The following ROBO2 variants were observed in gnomAD, a reference collection of about 807,000 sequenced individuals.
ROBO2 encodes the protein roundabout guidance receptor 2.
ROBO2 carries 53 observed loss-of-function variants against 160.8 expected under a neutral mutation model. That is an observed-to-expected ratio of 0.33 (90% CI 0.26 to 0.41). The LOEUF (loss-of-function observed/expected upper bound fraction) is 0.41. Among genes scored for constraint, ROBO2 ranks in the 10% least tolerant of loss-of-function variants. The pLI is 1.00. For synonymous variants in ROBO2, 664 were observed against 611.7 expected (o/e 1.09, Z -1.26); for missense variants, 1,577 against 1,722.4 (o/e 0.92, Z 1.49).
At chr3:76,129,849 C>A (rs985247549) in intron 2 of ROBO2, among the ~76,000 whole-genome samples, 2 of 151,894 alleles carry the variant, frequency 1.3e-5, no homozygotes, top group Non-Finnish European at 2.9e-5. Context: ...GTCCTAGCAC[C>A]AGGATATTTT....
chr3:77,427,029 GAGCTGA>G (rs75747928), intron 2 of ROBO2, among the ~76,000 whole-genome samples: 11,935 of 152,124 alleles, frequency 0.078, 534 homozygotes, highest in African/African-American at 0.11. Flanking sequence ...ATTTAACATT[GAGCTGA>G]AGCCTCTAAA....
intron 2 of ROBO2, among the ~76,000 whole-genome samples, chr3:76,641,149 C>T (rs1305415558): frequency 6.6e-6 from 1 of 152,170 alleles, no homozygotes; most frequent in African/African-American, 2.4e-5. Context: ...CAGTAGCCCA[C>T]AGTCTGAAGA....
intron 2 of ROBO2, among the ~76,000 whole-genome samples, chr3:76,030,313 G>A (rs932627292): frequency 4.6e-5 from 7 of 150,636 alleles, no homozygotes; most frequent in Non-Finnish European, 8.9e-5. Flanking sequence ...CCGTTCTGTA[G>A]ATTGCCTGTT....
At chr3:77,183,926 T>G (rs1289361492) in intron 2 of ROBO2, among the ~76,000 whole-genome samples, 1 of 152,058 alleles carries the variant, frequency 6.6e-6, no homozygotes, top group African/African-American at 2.4e-5. Context: ...GCACACAGCG[T>G]CAATTTTTCT....
At chr3:76,722,084 G>C (rs251555) in intron 2 of ROBO2, among the ~76,000 whole-genome samples, 66,105 of 151,916 alleles carry the variant, frequency 0.44, 15,273 homozygotes, top group Non-Finnish European at 0.52. Context: ...AAAAATTGAA[G>C]GCAGGAAAGA....
intron 2 of ROBO2, among the ~76,000 whole-genome samples, chr3:76,788,233 G>C (rs2063126191): frequency 6.6e-6 from 1 of 151,380 alleles, no homozygotes; most frequent in Non-Finnish European, 1.5e-5. Context: ...CAAAATGTGT[G>C]AGAAGAGGAA....
intron 2 of ROBO2, among the ~76,000 whole-genome samples, chr3:76,570,909 A>T (rs535468364): frequency 2.0e-5 from 3 of 152,198 alleles, no homozygotes; most frequent in Non-Finnish European, 4.4e-5. Flanking sequence ...TTAATCAGGA[A>T]ATATCTGTTA....
At chr3:77,023,681 A>C (rs2062779282) in intron 2 of ROBO2, among the ~76,000 whole-genome samples, 1 of 152,158 alleles carries the variant, frequency 6.6e-6, no homozygotes, top group African/African-American at 2.4e-5. Flanking sequence ...AAACCTAAGT[A>C]CCTCCTTATC....
intron 2 of ROBO2, among the ~76,000 whole-genome samples, chr3:76,282,173 G>C (rs1708267835): frequency 6.6e-6 from 1 of 151,984 alleles, no homozygotes; most frequent in Non-Finnish European, 1.5e-5. Flanking sequence ...AAGAACTATA[G>C]TTGGATTTCC....
chr3:76,946,022 T>C (rs1489706328), intron 2 of ROBO2, among the ~76,000 whole-genome samples: 4 of 152,218 alleles, frequency 2.6e-5, no homozygotes, highest in African/African-American at 9.6e-5. Flanking sequence ...TTTTAGCTGC[T>C]GGATATTTTT....
Position 75,930,113 on chromosome 3 carries a change from A to G in ROBO2, c.-13-7368A>G, listed in dbSNP as rs575312232. On this transcript the variant is annotated intron_variant, in intron 1 of 26. Coordinates refer to the ROBO2 transcript ENST00000487694. ...GGACCATTACGAACCTCTGTTCCCC[A>G]TTTTTTGACATCTTTATTTCCATTA... Among the ~76,000 whole-genome samples the G allele has an allele frequency of 6.7e-4, 102 of 152,262 alleles. 1 individual carries two copies. The highest frequency in any genetic ancestry group is 2.0e-4 in the Admixed American group (3 of 15,282).
chr3:76,714,870 C>CT (rs2093354637), intron 2 of ROBO2, among the ~76,000 whole-genome samples: 1 of 152,158 alleles, frequency 6.6e-6, no homozygotes, highest in Non-Finnish European at 1.5e-5. Context: ...TCAAGACAGT[C>CT]TGTTTTTCTT....
intron 2 of ROBO2, among the ~76,000 whole-genome samples, chr3:76,020,937 A>T (rs371790829): frequency 4.3e-4 from 66 of 151,976 alleles, no homozygotes; most frequent in African/African-American, 1.5e-3. Flanking sequence ...AGAGGAGTAC[A>T]AATACTAATA....
intron 2 of ROBO2, among the ~76,000 whole-genome samples, chr3:76,289,254 G>A (rs537026030): frequency 6.6e-6 from 1 of 152,204 alleles, no homozygotes; most frequent in Admixed American, 6.5e-5. Flanking sequence ...TACCAATGTT[G>A]GGCATTTTTT....
At chr3:76,272,092 A>G (rs1045334488) in intron 2 of ROBO2, among the ~76,000 whole-genome samples, 1 of 152,198 alleles carries the variant, frequency 6.6e-6, no homozygotes, top group African/African-American at 2.4e-5. Context: ...ATAAACATAT[A>G]AAAGTAAGTT....
intron 2 of ROBO2, among the ~76,000 whole-genome samples, chr3:76,978,021 C>A (rs1241641533): frequency 1.3e-5 from 2 of 152,158 alleles, no homozygotes; most frequent in East Asian, 3.8e-4. Flanking sequence ...GCTCAAGATT[C>A]CAAACTCAGC....
At chr3:77,412,266 C>A (rs2076866708) in intron 2 of ROBO2, among the ~76,000 whole-genome samples, 1 of 152,148 alleles carries the variant, frequency 6.6e-6, no homozygotes, top group African/African-American at 2.4e-5. Context: ...AAGATTCTAC[C>A]CAGAGGTGGA....
intron 2 of ROBO2, among the ~76,000 whole-genome samples, chr3:76,901,437 T>G (rs2075220766): frequency 6.6e-6 from 1 of 151,628 alleles, no homozygotes; most frequent in South Asian, 2.1e-4. Flanking sequence ...GCATGGTAGC[T>G]CATGCCTGTA....
chr3:76,982,841 C>T (rs540381519), intron 2 of ROBO2, among the ~76,000 whole-genome samples: 8 of 152,066 alleles, frequency 5.3e-5, no homozygotes, highest in South Asian at 2.1e-4. Context: ...CACCATGCTT[C>T]GTTAGTAGAA....
Sources: gnomAD v4.1 joint callset for allele counts (sites outside exome capture counted in the v4.1 genomes callset) on GRCh38, gnomAD v4.1.1 for gene constraint, MANE v1.5 for transcripts, NCBI Gene and HGNC (gene_info 2026-07-23, HGNC 2026-07-21) for gene names.